The following KLF8 variants were observed in gnomAD, a reference collection of about 807,000 sequenced individuals.
KLF8 encodes the protein Krueppel-like factor 8.
Under a neutral mutation model 18.2 loss-of-function variants are expected in KLF8, and 10 were observed. The observed-to-expected ratio is 0.55, with a 90% CI of 0.34 to 0.93. KLF8 has a LOEUF of 0.93. Ranked by LOEUF, KLF8 falls within the 40% of genes least tolerant of loss-of-function variation. The pLI, the probability that KLF8 is intolerant of heterozygous loss-of-function variation, is 0.02. For missense variants in KLF8, 264 were observed against 277.9 expected, an observed-to-expected ratio of 0.95 and a Z score of 0.36; for synonymous variants, 109 against 97.3, an observed-to-expected ratio of 1.12 and a Z score of -0.71.
At chrX:56,125,857 T>G in the KLF8 span, among the ~76,000 whole-genome samples, 1 of 111,865 alleles carries the variant, frequency 8.9e-6, no homozygotes, top group African/African-American at 3.3e-5. Flanking sequence ...CTATATCATG[T>G]GAAAATGGAA....
chrX:56,114,625 A>T, the KLF8 span, among the ~76,000 whole-genome samples: 1 of 112,720 alleles, frequency 8.9e-6, no homozygotes, highest in African/African-American at 3.2e-5. Context: ...ACATAGACAT[A>T]GTTTTTTATA....
the KLF8 span, among the ~76,000 whole-genome samples, chrX:56,027,240 G>T: frequency 1.8e-5 from 2 of 111,730 alleles, no homozygotes; most frequent in South Asian, 7.6e-4. Flanking sequence ...AGGGAGTAGG[G>T]GGGCTGTGAC....
chrX:56,076,320 G>A, the KLF8 span, among the ~76,000 whole-genome samples: 516 of 82,309 alleles, frequency 6.3e-3, 1 homozygote, highest in Middle Eastern at 0.032. Flanking sequence ...TCCCCAGAGT[G>A]TGATGTTCCC....
At chrX:56,124,714 C>T in the KLF8 span, among the ~76,000 whole-genome samples, 1 of 111,663 alleles carries the variant, frequency 9.0e-6, no homozygotes, top group South Asian at 3.8e-4. Context: ...AGGGTGATGT[C>T]ATAAAAACTT....
chrX:56,183,953 T>A, the KLF8 span, among the ~76,000 whole-genome samples: 1 of 109,767 alleles, frequency 9.1e-6, no homozygotes, highest in Non-Finnish European at 1.9e-5. Context: ...ATGCAGAAGA[T>A]GGGTGATTTC....
the KLF8 span, among the ~76,000 whole-genome samples, chrX:56,084,233 AATGGCCAAGCGTGGTGGCAC>A: frequency 9.0e-6 from 1 of 110,516 alleles, no homozygotes; most frequent in Admixed American, 9.7e-5. Flanking sequence ...TTTTTAAAAA[AATGGCCAAGCGTGGTGGCAC>A]ATGCCTGTGG....
chrX:55,961,537 C>G, the KLF8 span: 20 of 544,395 alleles, frequency 3.7e-5, no homozygotes, highest in East Asian at 6.7e-4. Flanking sequence ...ATCTGCAGAA[C>G]TAGCCCTGGG....
chrX:56,071,359 T>A, the KLF8 span, among the ~76,000 whole-genome samples: 16 of 111,703 alleles, frequency 1.4e-4, no homozygotes, highest in Non-Finnish European at 2.6e-4. Context: ...ATGAGCTCTT[T>A]TATTTTCTTT....
the KLF8 span, among the ~76,000 whole-genome samples, chrX:56,218,217 A>C: frequency 1.4e-4 from 15 of 110,792 alleles, no homozygotes; most frequent in Non-Finnish European, 2.6e-4. Flanking sequence ...AATGTCTGAA[A>C]TATCAGATAA....
chrX:56,163,418 C>T, the KLF8 span, among the ~76,000 whole-genome samples: 1 of 111,716 alleles, frequency 9.0e-6, no homozygotes, highest in Non-Finnish European at 1.9e-5. Flanking sequence ...TTTTTATGCC[C>T]TTTGCCCACT....
Position 56,265,694 on chromosome X carries a change from C to A in KLF8, c.596C>A (p.Ala199Glu). Residue 199 changes from alanine to glutamate, a missense_variant, in exon 3 of 6, where the codon GCA (alanine) becomes GAA (glutamate). By Grantham distance (107) the Ala-to-Glu change is moderately radical. Around this residue, in one of 2 missense-constraint regions of KLF8, gnomAD observed 221 missense variants for 193.6 expected, o/e 1.14. Transcript: ENST00000468660. Reference sequence around the variant, plus strand: ...ACTTTGCCTGCAGATGGGGGCCCTGCAGCCATTACAGTCCCACTCATTGGA... The same window carrying A: ...ACTTTGCCTGCAGATGGGGGCCCTGAAGCCATTACAGTCCCACTCATTGGA... ...YTTLPADGGP[A>E]AITVPLIGGD... The A allele has an allele frequency of 8.3e-7, 1 of 1,207,401 alleles. No individual in the cohort carries two copies. Among genetic ancestry groups the A allele is most frequent in the Admixed American group, 2.2e-5 (1 of 45,997 alleles).
the KLF8 span, among the ~76,000 whole-genome samples, chrX:56,128,994 G>A: frequency 1.7e-3 from 186 of 111,896 alleles, no homozygotes; most frequent in Middle Eastern, 9.1e-3. Flanking sequence ...TACTAGTCAT[G>A]TACTTAAAAA....
At chrX:56,103,473 A>G in the KLF8 span, among the ~76,000 whole-genome samples, 1 of 111,443 alleles carries the variant, frequency 9.0e-6, no homozygotes, top group African/African-American at 3.3e-5. Context: ...CTTTGAAGCA[A>G]TTGTGAATGG....
the KLF8 span, among the ~76,000 whole-genome samples, chrX:56,048,851 C>T: frequency 4.5e-5 from 5 of 111,611 alleles, no homozygotes; most frequent in African/African-American, 6.5e-5. Context: ...CTTTAAATTA[C>T]CTTGGGCAGT....
chrX:56,212,160 T>C, the KLF8 span, among the ~76,000 whole-genome samples: 3 of 111,574 alleles, frequency 2.7e-5, no homozygotes, highest in Non-Finnish European at 5.7e-5. Flanking sequence ...CAGAGTCCTA[T>C]CTTGCTGTGG....
the KLF8 span, among the ~76,000 whole-genome samples, chrX:55,954,748 G>A: frequency 9.0e-6 from 1 of 111,530 alleles, no homozygotes; most frequent in Non-Finnish European, 1.9e-5. Context: ...GTTCACAGCA[G>A]GATTAATCAT....
At chrX:55,990,528 T>C in the KLF8 span, among the ~76,000 whole-genome samples, 4 of 112,335 alleles carry the variant, frequency 3.6e-5, no homozygotes, top group African/African-American at 9.7e-5. Flanking sequence ...AGTTTCTTAA[T>C]CTCACTGCTG....
chrX:56,233,041 T>G lies in KLF8; in HGVS notation c.-294T>G. ...AGGATTCTTTTTAGGAAGTCTACTC[T>G]GCCGGCCCCTGATTTTTGGGTTGGA... On this transcript the variant is annotated 5_prime_UTR_variant, in exon 1 of 6. Transcript: ENST00000468660. 2 of 361,839 alleles carry G rather than the reference T, an allele frequency of 5.5e-6. No homozygotes were observed. The highest frequency in any genetic ancestry group is 6.1e-5 in the South Asian group (1 of 16,468). 29.8% of individuals were successfully genotyped at this position (361,839 alleles called of 1,213,427 possible). A position where few individuals can be genotyped will look rare whatever the true frequency, so the allele number is the denominator to read the frequency against.
chrX:56,011,654 A>T, the KLF8 span, among the ~76,000 whole-genome samples: 2 of 111,804 alleles, frequency 1.8e-5, no homozygotes, highest in Non-Finnish European at 3.8e-5. Flanking sequence ...CCTTGAAAAA[A>T]ATTCAATGAA....
Sources: allele counts gnomAD v4.1 joint callset (sites outside exome capture counted in the v4.1 genomes callset), GRCh38; gene constraint gnomAD v4.1.1; regional missense constraint gnomAD v4.1.1; transcripts MANE v1.5; gene names NCBI Gene and HGNC (gene_info 2026-07-23, HGNC 2026-07-21).